DAB1: variants seen among roughly 807,000 people sequenced by gnomAD.
DAB1 encodes DAB adaptor protein 1, also known as disabled homolog 1.
DAB1 carries 15 observed loss-of-function variants against 64.6 expected under a neutral mutation model. The ratio of observed to expected loss-of-function variants is 0.23; its 90% CI spans 0.16 to 0.36. The LOEUF (loss-of-function observed/expected upper bound fraction) is 0.36. Among genes scored for constraint, DAB1 ranks in the 10% least tolerant of loss-of-function variants. The pLI is 1.00. For missense variants in DAB1, 596 were observed against 706.7 expected (o/e 0.84, Z 1.78); for synonymous variants, 235 against 251.9 (o/e 0.93, Z 0.64).
intron 5 of DAB1, among the ~76,000 whole-genome samples, chr1:58,118,495 T>C (rs1275509424): frequency 1.0e-3 from 85 of 84,394 alleles, no homozygotes; most frequent in African/African-American, 4.3e-3. Context: ...TATATATATA[T>C]ATATATATAC....
intron 7 of DAB1, among the ~76,000 whole-genome samples, chr1:57,581,467 G>A (rs991924201): frequency 6.6e-6 from 1 of 151,996 alleles, no homozygotes. Context: ...CTGGTAAATT[G>A]TGCCACCCCT....
intron 5 of DAB1, among the ~76,000 whole-genome samples, chr1:58,118,618 A>C (rs1652539863): frequency 7.4e-6 from 1 of 134,542 alleles, no homozygotes; most frequent in Non-Finnish European, 1.5e-5. Flanking sequence ...ACATATATAT[A>C]TATAAAATAC....
intron 6 of DAB1, among the ~76,000 whole-genome samples, chr1:57,769,566 C>T (rs1179874917): frequency 6.6e-6 from 1 of 152,192 alleles, no homozygotes; most frequent in East Asian, 1.9e-4. Context: ...AACCGATCCC[C>T]ACTTCCTCCC....
At chr1:58,040,109 G>T (rs1469639781) in intron 5 of DAB1, among the ~76,000 whole-genome samples, 1 of 152,110 alleles carries the variant, frequency 6.6e-6, no homozygotes, top group East Asian at 1.9e-4. Context: ...AGTAATAAAA[G>T]GAATTAATTT....
In DAB1 at chr1:57,641,378, G is replaced by GTTTTTTTTTTTTTTTTTTTTTTTTTT. The variant is rs1491296848; in HGVS notation, n.625+8213_625+8214insAAAAAAAAAAAAAAAAAAAAAAAAAA. Among the ~76,000 whole-genome samples the GTTTTTTTTTTTTTTTTTTTTTTTTTT allele has an allele frequency of 3.6e-5, 4 of 109,804 alleles. 1 individual carries two copies. The highest frequency in any genetic ancestry group is 3.3e-5 in the African/African-American group (1 of 29,980). 72.0% of individuals were successfully genotyped at this position (109,804 alleles called of 152,430 possible). ...TGCCCAGTTCCCTCTTTTTTTTGTT[G>GTTTTTTTTTTTTTTTTTTTTTTTTTT]GTTTTTTTTTTTTTTTTTTTTTTGA... On this transcript the variant is annotated intron_variant and non_coding_transcript_variant, in intron 7 of 20. Transcript: ENST00000485760.
intron 4 of DAB1, among the ~76,000 whole-genome samples, chr1:58,337,301 A>AT (rs1663142828): frequency 1.3e-5 from 2 of 150,756 alleles, no homozygotes; most frequent in African/African-American, 4.9e-5. Flanking sequence ...AAAAAAAAAA[A>AT]GCAAAGTAAA....
At chr1:57,112,027 AAC>A (rs1219947462) in intron 4 of DAB1, among the ~76,000 whole-genome samples, 1 of 152,212 alleles carries the variant, frequency 6.6e-6, no homozygotes, top group East Asian at 1.9e-4. Flanking sequence ...ATTCCCATTA[AAC>A]ACTATGGATT....
intron 5 of DAB1, among the ~76,000 whole-genome samples, chr1:57,984,161 C>T (rs1202022580): frequency 7.5e-6 from 1 of 133,522 alleles, no homozygotes; most frequent in Non-Finnish European, 1.5e-5. Context: ...TGCAGGATTT[C>T]AGGGCCCAGG....
chr1:58,251,712 C>A (rs570351440), intron 4 of DAB1, among the ~76,000 whole-genome samples: 2 of 152,244 alleles, frequency 1.3e-5, no homozygotes, highest in Admixed American at 6.5e-5. Flanking sequence ...GGGTAAAGAT[C>A]AGTAAGGGAA....
intron 3 of DAB1, among the ~76,000 whole-genome samples, chr1:58,448,812 C>T (rs147904853): frequency 0.011 from 1,623 of 152,262 alleles, 89 homozygotes; most frequent in Admixed American, 0.092. Context: ...GCATCCCTTC[C>T]CTGTCTCACC....
chr1:57,798,251 C>A (rs557550941), intron 6 of DAB1, among the ~76,000 whole-genome samples: 1 of 152,226 alleles, frequency 6.6e-6, no homozygotes, highest in East Asian at 1.9e-4. Context: ...ATGCCAGAGA[C>A]ACAAAGCAGA....
chr1:58,116,898 ATGG>A (rs1407525247), intron 5 of DAB1, among the ~76,000 whole-genome samples: 1 of 152,222 alleles, frequency 6.6e-6, no homozygotes, highest in East Asian at 1.9e-4. Context: ...TACACAAGGG[ATGG>A]TTCTTATTGG....
chr1:58,499,477 T>TATAGATAAATAG (rs1553122689), intron 3 of DAB1, among the ~76,000 whole-genome samples: 2 of 143,662 alleles, frequency 1.4e-5, no homozygotes, highest in Non-Finnish European at 3.0e-5. Flanking sequence ...AAAGCCAGAC[T>TATAGATAAATAG]ATAGATAGAT....
intron 5 of DAB1, among the ~76,000 whole-genome samples, chr1:58,064,887 T>A (rs1401064980): frequency 2.0e-5 from 3 of 151,860 alleles, no homozygotes; most frequent in African/African-American, 7.3e-5. Flanking sequence ...CACGCCCGGC[T>A]AATTTTTTGT....
At chr1:58,074,546 ACACATATATATATGTGTG>A (rs1649490736) in intron 5 of DAB1, 1 of 88,954 alleles carries the variant, frequency 1.1e-5, no homozygotes, top group African/African-American at 4.6e-5. Flanking sequence ...ATATATATAC[ACACATATATATATGTGTG>A]TATATATATA....
At chr1:57,776,166 A>G (rs530352787) in intron 6 of DAB1, among the ~76,000 whole-genome samples, 2 of 151,792 alleles carry the variant, frequency 1.3e-5, no homozygotes, top group African/African-American at 4.8e-5. Flanking sequence ...TATAATCCCA[A>G]ATGTTCCAAA....
At position 57,019,877 on chromosome 1, in the gene DAB1, A is replaced by G. The variant is rs188961256; in HGVS notation, c.895+3654T>C. 2.6e-5 allele frequency among the ~76,000 whole-genome samples: 4 copies of G among 152,380 alleles called. No homozygotes were observed. The East Asian group carries it at 7.7e-4, about 29-fold the overall frequency. ...GTGTTGAAAATTGTGATTTACAGCC[A>G]GATGCTGACACCTGGGGATGCCCCC... On this transcript the variant is annotated intron_variant, in intron 11 of 14. Transcript: ENST00000371236.
At chr1:57,446,598 C>CGAA (rs1558388866) in intron 7 of DAB1, among the ~76,000 whole-genome samples, 58 of 132,610 alleles carry the variant, frequency 4.4e-4, no homozygotes, top group South Asian at 1.2e-3. Context: ...AACTCCGTTG[C>CGAA]AAAAAAAAAA....
chr1:57,588,973 C>T (rs554654890), intron 7 of DAB1, among the ~76,000 whole-genome samples: 11 of 151,906 alleles, frequency 7.2e-5, no homozygotes, highest in African/African-American at 1.9e-4. Flanking sequence ...CGGTGGCTCA[C>T]GCCTGTAATC....
Sources: allele counts gnomAD v4.1 joint callset (sites outside exome capture counted in the v4.1 genomes callset), GRCh38; gene constraint gnomAD v4.1.1; transcripts MANE v1.5; gene names NCBI Gene and HGNC (gene_info 2026-07-23, HGNC 2026-07-21).